PCSK5: variants seen among roughly 807,000 people sequenced by gnomAD.
PCSK5 encodes proprotein convertase subtilisin/kexin type 5.
PCSK5 carries 129 observed loss-of-function variants against 233.2 expected under a neutral mutation model. That is an observed-to-expected ratio of 0.55 (90% CI 0.48 to 0.64). The LOEUF (loss-of-function observed/expected upper bound fraction) is 0.64, where lower values mean the gene tolerates loss of function less well. PCSK5 is among the 30% of genes least tolerant of loss of function. PCSK5 has a pLI of 0.00. For synonymous variants in PCSK5, 825 were observed against 879.2 expected (o/e 0.94, Z 1.09); for missense variants, 2,076 against 2,430.1 (o/e 0.85, Z 3.06).
chr9:76,281,250 AGAG>A lies in PCSK5; in HGVS notation c.3143-10979_3143-10977del, dbSNP rs367558947. Among the ~76,000 whole-genome samples the A allele has an allele frequency of 3.2e-3, 490 of 152,350 alleles. 4 individuals carry two copies. The highest frequency in any genetic ancestry group is 0.011 in the African/African-American group (470 of 41,582). ...TGCCATCTAGGACTTTCATAGCTAGAGAGGAGAAGTCAACGCCTGGCTTCAAAG... is the reference window on the plus strand; with the variant it reads ...TGCCATCTAGGACTTTCATAGCTAGAGAGAAGTCAACGCCTGGCTTCAAAG... On this transcript the variant is annotated intron_variant, in intron 24 of 37. Coordinates refer to ENST00000674117, the MANE Select transcript of PCSK5 (RefSeq NM_001372043.1).
At chr9:76,349,198 C>T (rs551848081) in intron 35 of PCSK5, among the ~76,000 whole-genome samples, 21 of 147,526 alleles carry the variant, frequency 1.4e-4, no homozygotes, top group Admixed American at 1.4e-3. Context: ...GGCGTCAACC[C>T]AGGAGGCGGA....
intron 2 of PCSK5, among the ~76,000 whole-genome samples, chr9:75,978,807 A>G (rs1054021505): frequency 1.3e-5 from 2 of 151,878 alleles, no homozygotes; most frequent in Admixed American, 6.6e-5. Context: ...TTCCTAGTAC[A>G]ATGATCTACA....
chr9:76,070,543 G>T (rs1273068193), intron 6 of PCSK5, among the ~76,000 whole-genome samples: 2 of 152,130 alleles, frequency 1.3e-5, no homozygotes, highest in Non-Finnish European at 2.9e-5. Flanking sequence ...ATCTGTCATG[G>T]AATTTAAAAT....
intron 10 of PCSK5, among the ~76,000 whole-genome samples, chr9:76,154,455 C>T (rs1823800468): frequency 6.6e-6 from 1 of 152,062 alleles, no homozygotes; most frequent in Non-Finnish European, 1.5e-5. Context: ...AGAGTGAAAA[C>T]AGGAGCCAGA....
intron 24 of PCSK5, among the ~76,000 whole-genome samples, chr9:76,252,451 T>C (rs539629425): frequency 1.3e-5 from 2 of 152,306 alleles, no homozygotes; most frequent in South Asian, 2.1e-4. Flanking sequence ...TGCAAATTAA[T>C]TTGGGTTCAC....
At chr9:76,078,295 T>C (rs972453906) in intron 7 of PCSK5, among the ~76,000 whole-genome samples, 4 of 152,230 alleles carry the variant, frequency 2.6e-5, no homozygotes, top group South Asian at 2.1e-4. Flanking sequence ...ACCCAACTTA[T>C]CAACTTTTGT....
chr9:76,061,743 C>T (rs1830037052), intron 5 of PCSK5, among the ~76,000 whole-genome samples: 2 of 152,002 alleles, frequency 1.3e-5, no homozygotes, highest in South Asian at 4.1e-4. Flanking sequence ...TCAAATGTTT[C>T]TGACATAAAG....
chr9:76,251,164 T>C (rs1451928861), intron 24 of PCSK5, among the ~76,000 whole-genome samples: 2 of 152,164 alleles, frequency 1.3e-5, no homozygotes, highest in African/African-American at 4.8e-5. Context: ...CTGCTTGGGA[T>C]ACTGAGGTGG....
At chr9:75,905,198 G>A (rs939205904) in intron 1 of PCSK5, among the ~76,000 whole-genome samples, 1 of 152,066 alleles carries the variant, frequency 6.6e-6, no homozygotes, top group Non-Finnish European at 1.5e-5. Flanking sequence ...TTTTTTGGGA[G>A]GTGATGAAAT....
intron 2 of PCSK5, among the ~76,000 whole-genome samples, chr9:75,980,607 A>C (rs1364317800): frequency 1.3e-5 from 2 of 152,176 alleles, no homozygotes; most frequent in Non-Finnish European, 2.9e-5. Flanking sequence ...AAACGATCTT[A>C]ATAATTTTTT....
At chr9:75,910,392 A>G (rs1353842084) in intron 1 of PCSK5, among the ~76,000 whole-genome samples, 1 of 152,200 alleles carries the variant, frequency 6.6e-6, no homozygotes, top group East Asian at 1.9e-4. Context: ...TGTGTATGTG[A>G]TTCTGTTGTT....
intron 2 of PCSK5, among the ~76,000 whole-genome samples, chr9:75,937,840 C>A (rs545961161): frequency 6.6e-6 from 1 of 152,210 alleles, no homozygotes; most frequent in Non-Finnish European, 1.5e-5. Context: ...CATGAACCAA[C>A]CCCTGCTAGC....
intron 35 of PCSK5, among the ~76,000 whole-genome samples, chr9:76,346,590 TA>T (rs1315339279): frequency 1.3e-5 from 2 of 152,174 alleles, no homozygotes; most frequent in Non-Finnish European, 2.9e-5. Context: ...TATTTAATGT[TA>T]TTTTTTCATA....
chr9:75,907,242 C>G (rs1826299213), intron 1 of PCSK5, among the ~76,000 whole-genome samples: 1 of 151,824 alleles, frequency 6.6e-6, no homozygotes. Context: ...TAGCATATAG[C>G]ATAGTGTCTC....
At chr9:76,023,220 A>G (rs890011470) in intron 3 of PCSK5, among the ~76,000 whole-genome samples, 1 of 152,216 alleles carries the variant, frequency 6.6e-6, no homozygotes, top group African/African-American at 2.4e-5. Flanking sequence ...GACTTACGGT[A>G]TCAGAACAGG....
intron 9 of PCSK5, among the ~76,000 whole-genome samples, chr9:76,126,429 C>T (rs7019138): frequency 0.47 from 71,415 of 151,858 alleles, 17,198 homozygotes; most frequent in Admixed American, 0.52. Context: ...GCCTGACCAA[C>T]GTGGAGAAAT....
At chr9:76,068,136 G>A (rs1205272144) in intron 6 of PCSK5, 93 bp downstream of exon 6, 4 of 848,906 alleles carry the variant, frequency 4.7e-6, no homozygotes, top group Admixed American at 1.8e-5. Context: ...GAGGTTAAAC[G>A]ATTGGGCATA....
chr9:75,965,019 T>C (rs1376451098), intron 2 of PCSK5, among the ~76,000 whole-genome samples: 1 of 152,136 alleles, frequency 6.6e-6, no homozygotes, highest in Non-Finnish European at 1.5e-5. Context: ...ACCTTTCCTA[T>C]CACAAATAAG....
chr9:75,987,721 C>T (rs1046920561), intron 3 of PCSK5, among the ~76,000 whole-genome samples: 3 of 152,096 alleles, frequency 2.0e-5, no homozygotes, highest in Non-Finnish European at 2.9e-5. Flanking sequence ...CCCCAGTAGC[C>T]GCAAAGAGTG....
Sources: allele counts gnomAD v4.1 joint callset (sites outside exome capture counted in the v4.1 genomes callset), GRCh38; gene constraint gnomAD v4.1.1; transcripts MANE v1.5; gene names NCBI Gene and HGNC (gene_info 2026-07-23, HGNC 2026-07-21).